Variants in HYAL4 observed in about 807,000 individuals in gnomAD.
The protein encoded by HYAL4 is hyaluronidase-4.
A neutral mutation model predicts 35.2 loss-of-function variants in HYAL4; 37 were observed. That is an observed-to-expected ratio of 1.05 (90% CI 0.81 to 1.38). The LOEUF (loss-of-function observed/expected upper bound fraction) is 1.38. HYAL4 is among the 40% of genes most tolerant of loss of function. HYAL4 has a pLI of 0.00. For missense variants in HYAL4, 572 were observed against 572.4 expected, an observed-to-expected ratio of 1.00 and a Z score of 0.01; for synonymous variants, 198 against 203.2, an observed-to-expected ratio of 0.97 and a Z score of 0.22.
At chr7:123,847,841 A>G (rs1468270787) in intron 1 of HYAL4, among the ~76,000 whole-genome samples, 1 of 152,088 alleles carries the variant, frequency 6.6e-6, no homozygotes, top group Non-Finnish European at 1.5e-5. Flanking sequence ...TTTTCTCTTT[A>G]TTCTGGAAGT....
At chr7:123,765,662 T>A in the HYAL4 span, among the ~76,000 whole-genome samples, 2 of 152,148 alleles carry the variant, frequency 1.3e-5, no homozygotes, top group Non-Finnish European at 2.9e-5. Flanking sequence ...TATCAGAAAT[T>A]AAAACTTAAA....
At chr7:123,818,227 G>T in the HYAL4 span, among the ~76,000 whole-genome samples, 2 of 152,144 alleles carry the variant, frequency 1.3e-5, no homozygotes, top group African/African-American at 4.8e-5. Context: ...TTTGGATTCT[G>T]TTTATACATA....
intron 2 of HYAL4, among the ~76,000 whole-genome samples, chr7:123,854,103 T>A (rs576884223): frequency 4.2e-4 from 64 of 152,332 alleles, no homozygotes; most frequent in African/African-American, 1.4e-3. Context: ...TGTGTCTATT[T>A]GATTCTTCTC....
At chr7:123,830,913 A>G (rs1805870110) in intron 1 of HYAL4, among the ~76,000 whole-genome samples, 1 of 151,914 alleles carries the variant, frequency 6.6e-6, no homozygotes, top group Non-Finnish European at 1.5e-5. Flanking sequence ...CTTTCCTCTC[A>G]CATTTCTAAG....
intron 2 of HYAL4, among the ~76,000 whole-genome samples, chr7:123,855,355 A>C (rs1272121837): frequency 6.6e-6 from 1 of 151,166 alleles, no homozygotes; most frequent in African/African-American, 2.4e-5. Context: ...TTTCCTTTCC[A>C]TACGTTTTGC....
chr7:123,820,825 C>T, the HYAL4 span, among the ~76,000 whole-genome samples: 2 of 152,118 alleles, frequency 1.3e-5, no homozygotes, highest in Non-Finnish European at 2.9e-5. Context: ...ACCCTCAGCC[C>T]CTTACAACTA....
At chr7:123,819,616 G>A in the HYAL4 span, among the ~76,000 whole-genome samples, 1 of 152,036 alleles carries the variant, frequency 6.6e-6, no homozygotes, top group African/African-American at 2.4e-5. Flanking sequence ...TTAGTAGAAG[G>A]GTAGAAAGAG....
At chr7:123,842,444 G>A (rs1165143344), upstream of HYAL4, among the ~76,000 whole-genome samples, 1 of 152,004 alleles carries the variant, frequency 6.6e-6, no homozygotes, top group Non-Finnish European at 1.5e-5. Flanking sequence ...GAATAAGTGC[G>A]ATGTGGTGCT....
intron 1 of HYAL4, among the ~76,000 whole-genome samples, chr7:123,832,304 G>A (rs1805895573): frequency 6.6e-6 from 1 of 150,990 alleles, no homozygotes. Context: ...ATTTCCATAG[G>A]TTTTGGGGGA....
chr7:123,789,973 C>G, the HYAL4 span, among the ~76,000 whole-genome samples: 3 of 152,072 alleles, frequency 2.0e-5, no homozygotes, highest in Non-Finnish European at 4.4e-5. Flanking sequence ...TGGGGGCTGG[C>G]AAGTCTGAAA....
chr7:123,828,959 G>A (rs531458736), upstream of HYAL4: 215 of 152,730 alleles, frequency 1.4e-3, no homozygotes, highest in Non-Finnish European at 2.6e-3. Flanking sequence ...TCCTACAGGA[G>A]AACTGCTTAT....
intron 1 of HYAL4, among the ~76,000 whole-genome samples, chr7:123,832,476 ATACT>A (rs1805898388): frequency 5.1e-5 from 3 of 58,442 alleles, no homozygotes; most frequent in East Asian, 5.6e-4. Flanking sequence ...CTATTGTGTC[ATACT>A]TTTTTTTTTT....
chr7:123,764,161 G>A, the HYAL4 span, among the ~76,000 whole-genome samples: 1,281 of 152,262 alleles, frequency 8.4e-3, 18 homozygotes, highest in African/African-American at 0.029. Context: ...TATTTGTAGA[G>A]AGAGGACCTC....
chr7:123,770,784 A>G, the HYAL4 span, among the ~76,000 whole-genome samples: 2,418 of 134,234 alleles, frequency 0.018, 67 homozygotes, highest in African/African-American at 0.074. Context: ...GTAATTTATC[A>G]AAAAAAAAAG....
the HYAL4 span, among the ~76,000 whole-genome samples, chr7:123,775,175 G>A: frequency 2.6e-5 from 4 of 152,186 alleles, no homozygotes; most frequent in African/African-American, 9.7e-5. Context: ...GCTCACGCCT[G>A]TAATCCTGGC....
intron 1 of HYAL4, among the ~76,000 whole-genome samples, chr7:123,834,285 G>T (rs900002731): frequency 6.6e-6 from 1 of 152,140 alleles, no homozygotes; most frequent in South Asian, 2.1e-4. Context: ...AATTTTCCTT[G>T]TAGAGGTCTT....
At chr7:123,864,496 T>C (rs1287780639) in intron 2 of HYAL4, among the ~76,000 whole-genome samples, 1 of 152,012 alleles carries the variant, frequency 6.6e-6, no homozygotes, top group African/African-American at 2.4e-5. Context: ...CTAGGCGGAT[T>C]ATGGAAGGGG....
chr7:123,841,023 T>A (rs542788345), upstream of HYAL4, among the ~76,000 whole-genome samples: 2 of 152,162 alleles, frequency 1.3e-5, no homozygotes, highest in South Asian at 4.1e-4. Context: ...TCCAACACTA[T>A]GTTGAATAGG....
intron 2 of HYAL4, among the ~76,000 whole-genome samples, chr7:123,849,862 C>A (rs1458932723): frequency 6.6e-6 from 1 of 152,128 alleles, no homozygotes; most frequent in Non-Finnish European, 1.5e-5. Flanking sequence ...GCCAGACTCT[C>A]TCACAAATAA....
Sources: gnomAD v4.1 joint callset for allele counts (sites outside exome capture counted in the v4.1 genomes callset) on GRCh38, gnomAD v4.1.1 for gene constraint, MANE v1.5 for transcripts, NCBI Gene and HGNC (gene_info 2026-07-23, HGNC 2026-07-21) for gene names.